The following UBE2E2 variants were observed in gnomAD, a reference collection of about 807,000 sequenced individuals.
The protein encoded by UBE2E2 is ubiquitin conjugating enzyme E2 E2.
In UBE2E2, 6 loss-of-function variants were observed where a neutral mutation model predicts 24.7. The ratio of observed to expected loss-of-function variants is 0.24; its 90% CI spans 0.13 to 0.48. The LOEUF is 0.48. UBE2E2 is among the 20% of genes least tolerant of loss of function. The probability of loss-of-function intolerance (pLI) is 0.99; values close to 1 mark genes in which losing one functional copy is unlikely to be tolerated. For missense variants in UBE2E2, 169 were observed against 245.0 expected (o/e 0.69, Z 2.07); for synonymous variants, 104 against 83.6 (o/e 1.24, Z -1.33).
At chr3:23,285,630 G>A (rs1367234529) in intron 3 of UBE2E2, among the ~76,000 whole-genome samples, 1 of 152,158 alleles carries the variant, frequency 6.6e-6, no homozygotes, top group Non-Finnish European at 1.5e-5. Flanking sequence ...ATTCAGTGAT[G>A]TTGAGCACTC....
chr3:23,347,351 C>A (rs912014789), intron 3 of UBE2E2, among the ~76,000 whole-genome samples: 15 of 152,188 alleles, frequency 9.9e-5, no homozygotes, highest in Non-Finnish European at 2.2e-4. Context: ...GGCACATATA[C>A]ACCACGGAAT....
chr3:23,440,499 C>T (rs1020222052), intron 3 of UBE2E2, among the ~76,000 whole-genome samples: 9 of 152,160 alleles, frequency 5.9e-5, no homozygotes, highest in African/African-American at 1.7e-4. Context: ...AATCTGTAAA[C>T]GGACCCACGT....
chr3:23,228,692 CT>C (rs1369220290), intron 3 of UBE2E2, among the ~76,000 whole-genome samples: 1 of 152,144 alleles, frequency 6.6e-6, no homozygotes, highest in Non-Finnish European at 1.5e-5. Context: ...TCATTTAGAA[CT>C]GTCTACATTC....
chr3:23,299,451 T>G (rs1379732775), intron 3 of UBE2E2, among the ~76,000 whole-genome samples: 2 of 152,146 alleles, frequency 1.3e-5, no homozygotes, highest in Non-Finnish European at 2.9e-5. Flanking sequence ...ACACACTGCT[T>G]TGAATGTGTC....
Position 23,362,834 on chromosome 3 carries a change from T to C in UBE2E2, c.228-136774T>C, listed in dbSNP as rs138827318. ...AGAACTTCTGGCAAACAGTCCCACA[T>C]CTGTGAGAACTCAGGAAGAAGGTGC... On this transcript the variant is annotated intron_variant, in intron 3 of 5. Transcript: ENST00000396703. 3.7e-3 allele frequency among the ~76,000 whole-genome samples: 562 copies of C among 152,244 alleles called. 4 individuals are homozygous for C. The highest frequency in any genetic ancestry group is 0.012 in the African/African-American group (514 of 41,546).
chr3:23,265,331 A>G (rs1002830599), intron 3 of UBE2E2, among the ~76,000 whole-genome samples: 4 of 152,158 alleles, frequency 2.6e-5, no homozygotes, highest in African/African-American at 9.7e-5. Context: ...TTCTCACTTC[A>G]GTTCCCTCAC....
At chr3:23,452,421 T>G (rs1203614338) in intron 3 of UBE2E2, among the ~76,000 whole-genome samples, 1 of 152,208 alleles carries the variant, frequency 6.6e-6, no homozygotes, top group Non-Finnish European at 1.5e-5. Context: ...TATTTGAATT[T>G]GGAACATGGT....
intron 4 of UBE2E2, among the ~76,000 whole-genome samples, chr3:23,523,597 A>G (rs1030892959): frequency 7.4e-6 from 1 of 134,952 alleles, no homozygotes; most frequent in Non-Finnish European, 1.6e-5. Context: ...TTCAAGGGCC[A>G]GATAATATTC....
intron 3 of UBE2E2, among the ~76,000 whole-genome samples, chr3:23,273,598 G>A (rs1049164935): frequency 6.6e-6 from 1 of 151,672 alleles, no homozygotes; most frequent in Non-Finnish European, 1.5e-5. Flanking sequence ...TAACACTGAT[G>A]AGAAAAAAAA....
intron 2 of UBE2E2, among the ~76,000 whole-genome samples, chr3:23,209,990 G>T (rs1696275245): frequency 6.6e-6 from 1 of 152,040 alleles, no homozygotes; most frequent in Non-Finnish European, 1.5e-5. Context: ...GGGGAAGAGG[G>T]TTCAGTTTGT....
intron 3 of UBE2E2, among the ~76,000 whole-genome samples, chr3:23,469,766 T>C (rs1322453186): frequency 6.6e-6 from 1 of 152,232 alleles, no homozygotes; most frequent in African/African-American, 2.4e-5. Flanking sequence ...CAGTGAAGGA[T>C]TCTGCCTGTT....
chr3:23,321,832 A>G (rs932221272), intron 3 of UBE2E2, among the ~76,000 whole-genome samples: 1 of 151,850 alleles, frequency 6.6e-6, no homozygotes, highest in African/African-American at 2.4e-5. Flanking sequence ...CAAGCTCTTT[A>G]TACTCCCATT....
chr3:23,378,835 AT>A (rs1696588163), intron 3 of UBE2E2, among the ~76,000 whole-genome samples: 1 of 152,218 alleles, frequency 6.6e-6, no homozygotes, highest in East Asian at 1.9e-4. Context: ...TATAGTTGAT[AT>A]TTTAACTTAA....
chr3:23,281,860 G>C (rs967299508), intron 3 of UBE2E2, among the ~76,000 whole-genome samples: 7 of 152,190 alleles, frequency 4.6e-5, no homozygotes, highest in African/African-American at 1.7e-4. Flanking sequence ...ATGTATGCCA[G>C]ATTTTCAAGA....
intron 3 of UBE2E2, among the ~76,000 whole-genome samples, chr3:23,230,271 A>G (rs1575488367): frequency 6.6e-6 from 1 of 152,332 alleles, no homozygotes; most frequent in South Asian, 2.1e-4. Context: ...GAAACTGGAA[A>G]GTTTATGGTT....
chr3:23,300,179 C>T (rs1339959349), intron 3 of UBE2E2, among the ~76,000 whole-genome samples: 1 of 152,094 alleles, frequency 6.6e-6, no homozygotes. Context: ...ATGTGTGTCT[C>T]TGCACGTGAG....
intron 3 of UBE2E2, among the ~76,000 whole-genome samples, chr3:23,401,744 T>C (rs2125371863): frequency 6.6e-6 from 1 of 151,980 alleles, no homozygotes; most frequent in African/African-American, 2.4e-5. Flanking sequence ...CCAGTGGCCC[T>C]ATTTTGGCTC....
rs376647193 is a variant in UBE2E2 at position 23,332,030 on chromosome 3, G to T, written c.227+114718G>T. On this transcript the variant is annotated intron_variant, in intron 3 of 5. Transcript: ENST00000396703. ...TCCTATGCTTCTTTACCTTAATACGGATCTGAAATAATTGATTTAAAAAAT... is the reference window on the plus strand; with the variant it reads ...TCCTATGCTTCTTTACCTTAATACGTATCTGAAATAATTGATTTAAAAAAT... Among the ~76,000 whole-genome samples, 6 of 152,198 alleles carry T rather than the reference G, an allele frequency of 3.9e-5. No homozygotes were observed. The South Asian group carries it at 1.0e-3, about 26-fold the overall frequency.
At chr3:23,329,768 A>G (rs1009358938) in intron 3 of UBE2E2, among the ~76,000 whole-genome samples, 4 of 152,210 alleles carry the variant, frequency 2.6e-5, no homozygotes, top group African/African-American at 7.2e-5. Context: ...GTTGCCGTAC[A>G]TGGGTCTTTG....
Sources: gnomAD v4.1 joint callset for allele counts (sites outside exome capture counted in the v4.1 genomes callset) on GRCh38, gnomAD v4.1.1 for gene constraint, MANE v1.5 for transcripts, NCBI Gene and HGNC (gene_info 2026-07-23, HGNC 2026-07-21) for gene names.